ATP8A2: variants seen among roughly 807,000 people sequenced by gnomAD.
ATP8A2 encodes the protein ATPase phospholipid transporting 8A2.
ATP8A2 carries 100 observed loss-of-function variants against 165.6 expected under a neutral mutation model. The observed-to-expected ratio is 0.60, with a 90% CI of 0.51 to 0.71. The LOEUF (loss-of-function observed/expected upper bound fraction) is 0.71, where lower values mean the gene tolerates loss of function less well. ATP8A2 is among the 30% of genes least tolerant of loss of function. The pLI is 0.00. For synonymous variants in ATP8A2, 543 were observed against 548.8 expected, an observed-to-expected ratio of 0.99 and a Z score of 0.15; for missense variants, 1,227 against 1,479.5, an observed-to-expected ratio of 0.83 and a Z score of 2.80.
chr13:25,886,933 A>G (rs1416522856), intron 33 of ATP8A2, among the ~76,000 whole-genome samples: 1 of 152,206 alleles, frequency 6.6e-6, no homozygotes. Context: ...AGGCACATTG[A>G]CAACAGCTGG....
At chr13:25,560,700 CAAA>C (rs748751011) in intron 15 of ATP8A2, among the ~76,000 whole-genome samples, 1,662 of 63,280 alleles carry the variant, frequency 0.026, 27 homozygotes, top group African/African-American at 0.08. Flanking sequence ...ACTCTTGTCT[CAAA>C]AAAAAAAAAA....
chr13:25,968,637 G>C lies in ATP8A2; in HGVS notation c.3335G>C (p.Arg1112Pro), dbSNP rs768704138. The C allele has an allele frequency of 6.2e-7, 1 of 1,613,780 alleles. No individual in the cohort carries two copies. The highest frequency in any genetic ancestry group is 8.5e-7 in the Non-Finnish European group (1 of 1,179,986). Residue 1112 changes from arginine (R) to proline (P), a missense_variant, in exon 35 of 37, where the codon CGA (arginine) becomes CCA (proline). Physicochemically the swap from Arg to Pro is moderately radical, Grantham distance 103 (BLOSUM62 -2). Transcript: ENST00000381655. ...GTGCAGGAGCTGGAAACCAAGTCTCGAGTCCTGGGAAAAGCGGTGCTGCGG... is the reference window on the plus strand; with the variant it reads ...GTGCAGGAGCTGGAAACCAAGTCTCCAGTCCTGGGAAAAGCGGTGCTGCGG... Reference protein sequence around the residue: ...EEVQELETKSRVLGKAVLRDS... With the variant: ...EEVQELETKSPVLGKAVLRDS...
At chr13:25,634,826 G>T (rs914235708) in intron 24 of ATP8A2, among the ~76,000 whole-genome samples, 5 of 152,042 alleles carry the variant, frequency 3.3e-5, no homozygotes, top group African/African-American at 1.2e-4. Context: ...TCAAGCAGAG[G>T]CCTCCCACAT....
chr13:25,722,416 C>T (rs150316186), intron 25 of ATP8A2, among the ~76,000 whole-genome samples: 3 of 152,326 alleles, frequency 2.0e-5, no homozygotes, highest in Non-Finnish European at 4.4e-5. Context: ...AGGGTGCTGC[C>T]TGCATTTTGC....
At chr13:25,914,562 T>C (rs1194804569) in intron 33 of ATP8A2, among the ~76,000 whole-genome samples, 1 of 152,148 alleles carries the variant, frequency 6.6e-6, no homozygotes, top group Non-Finnish European at 1.5e-5. Flanking sequence ...CCATCCCTCC[T>C]CTCCTTCACC....
intron 24 of ATP8A2, among the ~76,000 whole-genome samples, chr13:25,677,820 A>G (rs1056724962): frequency 2.0e-5 from 3 of 152,164 alleles, no homozygotes; most frequent in African/African-American, 7.2e-5. Flanking sequence ...ACTCATGGCA[A>G]AGCAGATGGG....
chr13:25,949,799 C>T (rs1955304972), intron 33 of ATP8A2, among the ~76,000 whole-genome samples: 1 of 152,078 alleles, frequency 6.6e-6, no homozygotes, highest in Non-Finnish European at 1.5e-5. Context: ...AAAGAGAGTA[C>T]AAACTGCCTT....
chr13:25,372,205 C>G lies in ATP8A2; in HGVS notation c.-8C>G. On this transcript the variant is annotated 5_prime_UTR_variant, in exon 1 of 37. Coordinates refer to ENST00000381655, the MANE Select transcript of ATP8A2 (RefSeq NM_016529.6). This position sits in a 1 kb window ranked among gnomAD's most constrained non-coding sequence, Gnocchi z 4.8. Reference sequence around the variant, plus strand: ...GCCCGGGGCCGCCGAGCCCCCGACACGGGCGAGATGCTGAACGGCGCAGGC... The same window carrying G: ...GCCCGGGGCCGCCGAGCCCCCGACAGGGGCGAGATGCTGAACGGCGCAGGC... 1 of 1,430,550 alleles carries G rather than the reference C, an allele frequency of 7.0e-7. No individual in the cohort carries two copies. The highest frequency in any genetic ancestry group is 9.3e-7 in the Non-Finnish European group (1 of 1,081,072). 88.6% of individuals were successfully genotyped at this position (1,430,550 alleles called of 1,614,324 possible). A position where few individuals can be genotyped will look rare whatever the true frequency, so the allele number is the denominator to read the frequency against.
chr13:25,722,897 C>G lies in ATP8A2; in HGVS notation c.2384+23552C>G, dbSNP rs116579887. ...TAATGAATCAAATTGCTTATTTGCT[C>G]CATAATCAAGTACATGAAATTTGAA... is the stretch of plus-strand genomic sequence containing the variant. On this transcript the variant is annotated intron_variant, in intron 25 of 36. Coordinates refer to ENST00000381655, the MANE Select transcript of ATP8A2 (RefSeq NM_016529.6). 2.9e-3 allele frequency among the ~76,000 whole-genome samples: 443 copies of G among 152,182 alleles called. 1 individual carries two copies. The highest frequency in any genetic ancestry group is 0.01 in the African/African-American group (416 of 41,522).
chr13:25,389,907 A>G (rs1211958334), intron 1 of ATP8A2, among the ~76,000 whole-genome samples: 1 of 152,276 alleles, frequency 6.6e-6, no homozygotes, highest in Non-Finnish European at 1.5e-5. Context: ...TTGTGAGGAT[A>G]AATGAACACT....
chr13:25,953,385 G>C lies in ATP8A2; in HGVS notation c.3184-8190G>C, dbSNP rs1264422995. ...TTTATGGGAAGTTCTGGCACAGAGT[G>C]ACGCACGAAGAAATTTGAGCTTCCT... On this transcript the variant is annotated intron_variant, in intron 33 of 36. Coordinates refer to ENST00000381655, the MANE Select transcript of ATP8A2 (RefSeq NM_016529.6). The surrounding 1 kb of genome is among the most constrained non-coding windows in gnomAD (Gnocchi z 6.7). Among the ~76,000 whole-genome samples, 4 of 151,992 alleles carry C rather than the reference G, an allele frequency of 2.6e-5. No homozygotes were observed. Among genetic ancestry groups the C allele is most frequent in the Non-Finnish European group, 5.9e-5 (4 of 68,010 alleles).
intron 24 of ATP8A2, among the ~76,000 whole-genome samples, chr13:25,677,350 T>C (rs138644126): frequency 2.3e-4 from 35 of 152,324 alleles, no homozygotes; most frequent in African/African-American, 8.2e-4. Context: ...TCCATAATGG[T>C]TTTCAATTTC....
intron 10 of ATP8A2, among the ~76,000 whole-genome samples, chr13:25,545,144 GT>G (rs2038606382): frequency 6.6e-6 from 1 of 151,940 alleles, no homozygotes; most frequent in Non-Finnish European, 1.5e-5. Context: ...AGCTGGAAGG[GT>G]AGGGGCCCAG....
intron 27 of ATP8A2, among the ~76,000 whole-genome samples, chr13:25,791,086 A>G (rs1247048461): frequency 6.6e-6 from 1 of 152,190 alleles, no homozygotes; most frequent in African/African-American, 2.4e-5. Context: ...ATATGCATGC[A>G]TATGTTCATT....
chr13:25,567,629 G>A (rs915153833), intron 16 of ATP8A2, among the ~76,000 whole-genome samples: 3 of 152,104 alleles, frequency 2.0e-5, no homozygotes, highest in African/African-American at 4.8e-5. Context: ...GGAATTGATC[G>A]ATTGGTTTGG....
intron 35 of ATP8A2, among the ~76,000 whole-genome samples, chr13:25,983,498 T>G (rs982975040): frequency 1.3e-5 from 2 of 152,226 alleles, no homozygotes; most frequent in Non-Finnish European, 2.9e-5. Context: ...TTATAAGTTT[T>G]TAAAAATGCC....
chr13:25,759,473 A>T (rs2044335149), intron 25 of ATP8A2, among the ~76,000 whole-genome samples: 1 of 152,172 alleles, frequency 6.6e-6, no homozygotes, highest in Non-Finnish European at 1.5e-5. Flanking sequence ...AGCAGAGGTC[A>T]GGCACACTAT....
At chr13:25,471,540 G>A (rs931831090) in intron 2 of ATP8A2, among the ~76,000 whole-genome samples, 7 of 152,054 alleles carry the variant, frequency 4.6e-5, no homozygotes, top group African/African-American at 1.7e-4. Context: ...ACGGGGCTTC[G>A]CCATGTTGGC....
intron 30 of ATP8A2, among the ~76,000 whole-genome samples, chr13:25,856,889 C>T (rs1952181365): frequency 6.6e-6 from 1 of 152,238 alleles, no homozygotes; most frequent in Non-Finnish European, 1.5e-5. Flanking sequence ...GTATCATCCT[C>T]TTAGATAGAC....
Sources: allele counts gnomAD v4.1 joint callset (sites outside exome capture counted in the v4.1 genomes callset), GRCh38; gene constraint gnomAD v4.1.1; non-coding constraint Gnocchi (gnomAD v3.1); transcripts MANE v1.5; gene names NCBI Gene and HGNC (gene_info 2026-07-23, HGNC 2026-07-21).